The following ST3GAL3 variants were observed in gnomAD, a reference collection of about 807,000 sequenced individuals.
ST3GAL3 encodes the protein CMP-N-acetylneuraminate-beta-1,4-galactoside alpha-2,3-sialyltransferase.
ST3GAL3 carries 21 observed loss-of-function variants against 50.1 expected under a neutral mutation model. The ratio of observed to expected loss-of-function variants is 0.42; its 90% CI spans 0.30 to 0.60. The LOEUF (loss-of-function observed/expected upper bound fraction) is 0.60. Ranked by LOEUF, ST3GAL3 falls within the 20% of genes least tolerant of loss-of-function variation. The probability of loss-of-function intolerance (pLI) is 0.19; values close to 1 mark genes in which losing one functional copy is unlikely to be tolerated. For synonymous variants in ST3GAL3, 183 were observed against 190.0 expected, an observed-to-expected ratio of 0.96 and a Z score of 0.30; for missense variants, 353 against 489.4, an observed-to-expected ratio of 0.72 and a Z score of 2.63.
intron 5 of ST3GAL3, chr1:43,850,563 G>C (rs1367456480): frequency 2.8e-6 from 2 of 721,038 alleles, no homozygotes; most frequent in Non-Finnish European, 5.2e-6. Flanking sequence ...GGGCCGTAGA[G>C]TGTTTCTATC....
chr1:43,807,904 G>A (rs2060088653), intron 3 of ST3GAL3, among the ~76,000 whole-genome samples: 1 of 152,138 alleles, frequency 6.6e-6, no homozygotes, highest in South Asian at 2.1e-4. Context: ...AAGAGGTTCT[G>A]GGTGTGTGTG....
At chr1:43,744,415 A>G (rs1484446691) in intron 2 of ST3GAL3, among the ~76,000 whole-genome samples, 1 of 151,882 alleles carries the variant, frequency 6.6e-6, no homozygotes, top group Non-Finnish European at 1.5e-5. Context: ...ATGCCCAGCT[A>G]ATTTTTGTAG....
intron 5 of ST3GAL3, among the ~76,000 whole-genome samples, chr1:43,884,676 G>A (rs746145687): frequency 4.7e-4 from 72 of 152,166 alleles, no homozygotes; most frequent in Admixed American, 1.4e-3. Context: ...TGAATATAAC[G>A]GACTGATGTG....
intron 5 of ST3GAL3, among the ~76,000 whole-genome samples, chr1:43,892,476 G>T (rs803683): frequency 0.81 from 123,826 of 152,136 alleles, 51,248 homozygotes; most frequent in Non-Finnish European, 0.89. Flanking sequence ...TCAGTTTCAA[G>T]GTATACCATA....
At chr1:43,798,300 A>G (rs1336292845) in intron 3 of ST3GAL3, among the ~76,000 whole-genome samples, 5 of 152,218 alleles carry the variant, frequency 3.3e-5, no homozygotes, top group Admixed American at 6.5e-5. Flanking sequence ...CCTTGTAGCC[A>G]GAGTAATCTT....
intron 2 of ST3GAL3, among the ~76,000 whole-genome samples, chr1:43,761,760 C>A (rs924561329): frequency 6.7e-6 from 1 of 149,530 alleles, no homozygotes; most frequent in Non-Finnish European, 1.5e-5. Flanking sequence ...ACCATCCTGG[C>A]TAACACAGTG....
intron 7 of ST3GAL3, among the ~76,000 whole-genome samples, chr1:43,898,762 G>A (rs957345435): frequency 2.0e-5 from 3 of 152,072 alleles, no homozygotes; most frequent in Non-Finnish European, 2.9e-5. Context: ...CTCCTGTCCC[G>A]TTCCCCTTTT....
Position 43,930,707 on chromosome 1 carries a change from G to A in ST3GAL3, c.*486G>A, listed in dbSNP as rs2084901476. 3.8e-6 allele frequency: 1 copy of A among 265,106 alleles called. No individual in the cohort carries two copies. Among genetic ancestry groups the A allele is most frequent in the Non-Finnish European group, 7.5e-6 (1 of 133,764 alleles). 16.4% of individuals were successfully genotyped at this position (265,106 alleles called of 1,614,324 possible). A position where few individuals can be genotyped will look rare whatever the true frequency, so the allele number is the denominator to read the frequency against. On this transcript the variant is annotated 3_prime_UTR_variant, in exon 12 of 12. Coordinates refer to ENST00000347631, the MANE Select transcript of ST3GAL3 (RefSeq NM_006279.5). ...CTGTGGGGCAGGAGTGCCAGGACCA[G>A]CCTGTACCTTGCTGTGGGGCTACAG...
chr1:43,930,181 T>TA lies in ST3GAL3; in HGVS notation c.1088_1089insA (p.Lys364GlufsTer7). 1 of 1,614,042 alleles carries TA rather than the reference T, an allele frequency of 6.2e-7. No individual in the cohort carries two copies. The highest frequency in any genetic ancestry group is 8.5e-7 in the Non-Finnish European group (1 of 1,180,036). On this transcript the variant is annotated frameshift_variant, in exon 12 of 12. Coordinates refer to ENST00000347631, the MANE Select transcript of ST3GAL3 (RefSeq NM_006279.5). LOFTEE classifies it high-confidence loss of function. ...GAGAAAGAGTTTCTGCGGAAGCTGG[T>TA]GAAAGCTCGCGTCATCACTGATCTA...
intron 11 of ST3GAL3, among the ~76,000 whole-genome samples, chr1:43,927,767 A>C (rs550067293): frequency 3.3e-5 from 5 of 152,256 alleles, no homozygotes; most frequent in Admixed American, 1.3e-4. Flanking sequence ...TGCAATGAGG[A>C]GGGGCAAGTG....
intron 5 of ST3GAL3, among the ~76,000 whole-genome samples, chr1:43,876,161 G>A (rs960893377): frequency 1.9e-4 from 29 of 151,832 alleles, no homozygotes; most frequent in Non-Finnish European, 3.2e-4. Flanking sequence ...ACAGGGTTTC[G>A]CCATGTTGCT....
At chr1:43,885,058 T>G (rs1193092950) in intron 5 of ST3GAL3, among the ~76,000 whole-genome samples, 1 of 152,224 alleles carries the variant, frequency 6.6e-6, no homozygotes, top group Non-Finnish European at 1.5e-5. Flanking sequence ...TTGAGGACAT[T>G]CACCTTATAC....
At chr1:43,714,562 G>A (rs1474473474) in intron 1 of ST3GAL3, among the ~76,000 whole-genome samples, 3 of 151,906 alleles carry the variant, frequency 2.0e-5, no homozygotes, top group Non-Finnish European at 4.4e-5. Flanking sequence ...CCGAGATCAC[G>A]CCACTGCATT....
chr1:43,929,066 A>C (rs1226168676), intron 11 of ST3GAL3, among the ~76,000 whole-genome samples: 3 of 152,160 alleles, frequency 2.0e-5, no homozygotes, highest in Non-Finnish European at 2.9e-5. Flanking sequence ...TTTTCTGGTG[A>C]GAGTCCTGGG....
intron 4 of ST3GAL3, 116 bp downstream of exon 4, chr1:43,815,049 C>A: frequency 1.9e-6 from 2 of 1,041,774 alleles, no homozygotes; most frequent in Non-Finnish European, 3.0e-6. Flanking sequence ...CTCCCTGGGG[C>A]CTCTGTCCTC....
chr1:43,745,121 T>C (rs1683065942), intron 2 of ST3GAL3, among the ~76,000 whole-genome samples: 1 of 152,206 alleles, frequency 6.6e-6, no homozygotes, highest in African/African-American at 2.4e-5. Flanking sequence ...ACAGGAAAGA[T>C]GAAGACCACT....
chr1:43,811,333 A>G (rs1478544155), intron 3 of ST3GAL3, among the ~76,000 whole-genome samples: 1 of 152,192 alleles, frequency 6.6e-6, no homozygotes, highest in Non-Finnish European at 1.5e-5. Context: ...TGAGCAGTAG[A>G]GACCTAGAGT....
chr1:43,847,887 C>A (rs2066517335), intron 5 of ST3GAL3, among the ~76,000 whole-genome samples: 1 of 151,954 alleles, frequency 6.6e-6, no homozygotes, highest in Non-Finnish European at 1.5e-5. Context: ...GGTCTTTCTT[C>A]CTTTGTGTAA....
chr1:43,880,129 C>A (rs979333193), intron 5 of ST3GAL3, among the ~76,000 whole-genome samples: 1 of 152,230 alleles, frequency 6.6e-6, no homozygotes, highest in Admixed American at 6.5e-5. Context: ...AGCCCACAGG[C>A]ATTTACGGAG....
Sources: allele counts gnomAD v4.1 joint callset (sites outside exome capture counted in the v4.1 genomes callset), GRCh38; gene constraint gnomAD v4.1.1; transcripts MANE v1.5; gene names NCBI Gene and HGNC (gene_info 2026-07-23, HGNC 2026-07-21).